Variants in RABGAP1L observed in about 807,000 individuals in gnomAD.
RABGAP1L encodes rab GTPase-activating protein 1-like.
RABGAP1L carries 63 observed loss-of-function variants against 137.7 expected under a neutral mutation model. The observed-to-expected ratio is 0.46, with a 90% CI of 0.37 to 0.56. The LOEUF (loss-of-function observed/expected upper bound fraction) is 0.56, where lower values mean the gene tolerates loss of function less well. Among genes scored for constraint, RABGAP1L ranks in the 20% least tolerant of loss-of-function variants. The pLI, the probability that RABGAP1L is intolerant of heterozygous loss-of-function variation, is 0.00. For missense variants in RABGAP1L, 1,095 were observed against 1,244.0 expected, an observed-to-expected ratio of 0.88 and a Z score of 1.80; for synonymous variants, 431 against 433.7, an observed-to-expected ratio of 0.99 and a Z score of 0.08.
chr1:174,413,944 G>T (rs921637790), intron 13 of RABGAP1L, among the ~76,000 whole-genome samples: 1 of 107,784 alleles, frequency 9.3e-6, no homozygotes, highest in African/African-American at 6.5e-5. Context: ...CAGAGGCCAT[G>T]AAGGCAGGGA....
intron 2 of RABGAP1L, among the ~76,000 whole-genome samples, chr1:174,220,240 A>T (rs1397121001): frequency 2.6e-5 from 4 of 152,222 alleles, no homozygotes; most frequent in Non-Finnish European, 5.9e-5. Flanking sequence ...AAATATGGTT[A>T]TGCTGTGCTA....
At chr1:174,849,198 C>G (rs1424046840) in intron 19 of RABGAP1L, among the ~76,000 whole-genome samples, 1 of 152,148 alleles carries the variant, frequency 6.6e-6, no homozygotes, top group Non-Finnish European at 1.5e-5. Context: ...CTGCGTGGCT[C>G]ACGCTGGGAG....
At chr1:174,530,995 A>G (rs1050651248) in intron 13 of RABGAP1L, among the ~76,000 whole-genome samples, 5 of 152,204 alleles carry the variant, frequency 3.3e-5, no homozygotes, top group Non-Finnish European at 5.9e-5. Flanking sequence ...TAGGATAGAC[A>G]ATAAAATTAG....
At chr1:174,900,136 C>T (rs1247558384) in intron 19 of RABGAP1L, among the ~76,000 whole-genome samples, 1 of 152,200 alleles carries the variant, frequency 6.6e-6, no homozygotes, top group Non-Finnish European at 1.5e-5. Context: ...TAGTAAATTA[C>T]TACATGTACT....
intron 17 of RABGAP1L, among the ~76,000 whole-genome samples, chr1:174,751,202 A>G (rs1190881058): frequency 1.3e-5 from 2 of 152,218 alleles, no homozygotes; most frequent in Admixed American, 6.5e-5. Flanking sequence ...ATTTGTGTTT[A>G]TCATTCATTC....
chr1:174,655,917 A>G (rs1292675699), intron 14 of RABGAP1L, among the ~76,000 whole-genome samples: 4 of 152,156 alleles, frequency 2.6e-5, no homozygotes, highest in Non-Finnish European at 5.9e-5. Flanking sequence ...TCTCTGTCCC[A>G]GCTCTAGAAT....
chr1:174,757,945 C>T (rs1320099359), intron 18 of RABGAP1L, among the ~76,000 whole-genome samples: 4 of 151,800 alleles, frequency 2.6e-5, no homozygotes, highest in Non-Finnish European at 5.9e-5. Flanking sequence ...ATCGCTTGAA[C>T]CCGGGAGGCA....
At chr1:174,705,707 A>T (rs1205042691) in intron 17 of RABGAP1L, 1 of 152,184 alleles carries the variant, frequency 6.6e-6, no homozygotes, top group East Asian at 1.9e-4. Context: ...TTTGTCAAGA[A>T]TTATTTTACA....
chr1:174,376,164 GAAA>G (rs1395278621), intron 12 of RABGAP1L, among the ~76,000 whole-genome samples: 1 of 138,460 alleles, frequency 7.2e-6, no homozygotes, highest in Non-Finnish European at 1.6e-5. Flanking sequence ...GAGAGAGAAA[GAAA>G]AAGAAAGAAG....
chr1:174,221,069 G>C lies in RABGAP1L; in HGVS notation c.236G>C (p.Ser79Thr), dbSNP rs1472304396. Residue 79 changes from serine to threonine, a missense_variant, in exon 3 of 26, where the codon AGT becomes ACT. Ser to Thr is a moderately conservative substitution (Grantham distance 58). Coordinates refer to ENST00000681986, the MANE Select transcript of RABGAP1L (RefSeq NM_001366446.1). Reference protein sequence around the residue: ...RPSSLLVDCQSSSEISDHSFG... With the variant: ...RPSSLLVDCQTSSEISDHSFG... ...AGCAGTCTTCTTGTTGATTGTCAAAGTTCCAGTGAGATTTCAGACCATTCG... is the reference window on the plus strand; with the variant it reads ...AGCAGTCTTCTTGTTGATTGTCAAACTTCCAGTGAGATTTCAGACCATTCG... The C allele has an allele frequency of 2.5e-6, 4 of 1,613,956 alleles. No individual in the cohort carries two copies. The highest frequency in any genetic ancestry group is 3.4e-6 in the Non-Finnish European group (4 of 1,179,922).
intron 13 of RABGAP1L, among the ~76,000 whole-genome samples, chr1:174,539,313 G>A (rs949161762): frequency 2.0e-5 from 3 of 148,042 alleles, no homozygotes; most frequent in African/African-American, 5.0e-5. Context: ...TTTATTATAC[G>A]TTAAGTTCTA....
chr1:174,176,741 A>ATAAAAATAAAAT (rs1553248315), intron 1 of RABGAP1L, among the ~76,000 whole-genome samples: 3 of 111,778 alleles, frequency 2.7e-5, no homozygotes, highest in Non-Finnish European at 5.5e-5. Flanking sequence ...AAAAAAAAAA[A>ATAAAAATAAAAT]AAAAAGGTCA....
intron 18 of RABGAP1L, among the ~76,000 whole-genome samples, chr1:174,781,741 G>A (rs1039805844): frequency 7.2e-5 from 11 of 152,114 alleles, no homozygotes; most frequent in African/African-American, 2.7e-4. Context: ...ATTAATTTTT[G>A]TATAAGGTAT....
rs571445063 is a variant in RABGAP1L at position 174,515,426 on chromosome 1, C to T, written c.1710+121281C>T. ...AAGTATAATTTATTCAGAAACAGGGCTTGTTCCCACTTGGCAGGAGTGTTG... is the reference window on the plus strand; with the variant it reads ...AAGTATAATTTATTCAGAAACAGGGTTTGTTCCCACTTGGCAGGAGTGTTG... On this transcript the variant is annotated intron_variant, in intron 13 of 25. Coordinates refer to ENST00000681986, the MANE Select transcript of RABGAP1L (RefSeq NM_001366446.1). Among the ~76,000 whole-genome samples the T allele has an allele frequency of 6.3e-4, 96 of 152,200 alleles. 1 individual carries two copies. Among genetic ancestry groups the T allele is most frequent in the South Asian group, 1.9e-3 (9 of 4,816 alleles).
At chr1:174,599,583 A>G (rs1670260998) in intron 13 of RABGAP1L, among the ~76,000 whole-genome samples, 2 of 152,174 alleles carry the variant, frequency 1.3e-5, no homozygotes, top group Non-Finnish European at 2.9e-5. Flanking sequence ...TTTCTTCTGC[A>G]TATTTGAAGT....
In RABGAP1L at chr1:174,783,470, G is replaced by A. The variant is rs191587564; in HGVS notation, c.2212-28362G>A. Among the ~76,000 whole-genome samples the A allele has an allele frequency of 9.2e-5, 14 of 152,080 alleles. No individual in the cohort carries two copies. In the East Asian group the frequency reaches 1.7e-3, roughly 19 times the overall value. ...CCCCCGCCGCCCGTAACAGTATGAG[G>A]GAGTACCAGATAAGAAATCTAAATA... On this transcript the variant is annotated intron_variant, in intron 18 of 25. Coordinates refer to ENST00000681986, the MANE Select transcript of RABGAP1L (RefSeq NM_001366446.1).
intron 17 of RABGAP1L, among the ~76,000 whole-genome samples, chr1:174,723,753 A>G (rs1375723934): frequency 6.6e-6 from 1 of 152,198 alleles, no homozygotes; most frequent in African/African-American, 2.4e-5. Context: ...TGTTTAAGTA[A>G]AACTTGTCCA....
chr1:174,502,293 C>G (rs1661347910), intron 13 of RABGAP1L, among the ~76,000 whole-genome samples: 2 of 151,576 alleles, frequency 1.3e-5, no homozygotes, highest in Admixed American at 1.3e-4. Flanking sequence ...TCTGGAGAAA[C>G]TGACTATTCC....
chr1:174,440,805 G>T (rs78749481), intron 13 of RABGAP1L, among the ~76,000 whole-genome samples: 2 of 151,972 alleles, frequency 1.3e-5, no homozygotes, highest in African/African-American at 4.8e-5. Context: ...TGATCTGCCC[G>T]CCTGGGCCTT....
Sources: gnomAD v4.1 joint callset for allele counts (sites outside exome capture counted in the v4.1 genomes callset) on GRCh38, gnomAD v4.1.1 for gene constraint, MANE v1.5 for transcripts, NCBI Gene and HGNC (gene_info 2026-07-23, HGNC 2026-07-21) for gene names.